The following CHODL variants were observed in gnomAD, a reference collection of about 807,000 sequenced individuals.
CHODL encodes the protein chondrolectin, also known as transmembrane protein MT75.
Under a neutral mutation model 34.5 loss-of-function variants are expected in CHODL, and 29 were observed. The ratio of observed to expected loss-of-function variants is 0.84; its 90% confidence interval spans 0.63 to 1.15. The LOEUF (loss-of-function observed/expected upper bound fraction) is 1.15. Among genes scored for constraint, CHODL ranks in the 50% most tolerant of loss-of-function variants. The probability of loss-of-function intolerance (pLI) is 0.00; values close to 1 mark genes in which losing one functional copy is unlikely to be tolerated. For missense variants in CHODL, 332 were observed against 332.5 expected, an observed-to-expected ratio of 1.00 and a Z score of 0.01; for synonymous variants, 125 against 116.1, an observed-to-expected ratio of 1.08 and a Z score of -0.49.
intron 1 of CHODL, among the ~76,000 whole-genome samples, chr21:17,961,928 A>G (rs2063535115): frequency 6.6e-6 from 1 of 152,206 alleles, no homozygotes; most frequent in Non-Finnish European, 1.5e-5. Context: ...TTTCTTCTTC[A>G]GTCTTTAATG....
At chr21:17,935,579 T>C (rs746359301) in intron 1 of CHODL, among the ~76,000 whole-genome samples, 2 of 152,224 alleles carry the variant, frequency 1.3e-5, no homozygotes, top group Non-Finnish European at 2.9e-5. Context: ...AAGTGACAAA[T>C]GTCAAGAATT....
At chr21:18,152,236 G>A (rs761786250) in intron 2 of CHODL, among the ~76,000 whole-genome samples, 5 of 152,134 alleles carry the variant, frequency 3.3e-5, no homozygotes, top group Non-Finnish European at 5.9e-5. Flanking sequence ...TCTGAAGGGT[G>A]ACTACTTTCT....
chr21:18,166,300 G>A (rs2073152939), intron 2 of CHODL, among the ~76,000 whole-genome samples: 2 of 152,130 alleles, frequency 1.3e-5, no homozygotes, highest in Non-Finnish European at 2.9e-5. Context: ...AGTTCCAGGT[G>A]CTCTTATGAT....
chr21:17,936,196 A>C (rs2063317824), intron 1 of CHODL, among the ~76,000 whole-genome samples: 1 of 152,228 alleles, frequency 6.6e-6, no homozygotes, highest in African/African-American at 2.4e-5. Context: ...CCAGGCATAA[A>C]GGGCTAAGGA....
Position 18,170,104 on chromosome 21 carries a change from G to A in CHODL, c.-44-86405G>A, listed in dbSNP as rs1380115844. On this transcript the variant is annotated intron_variant, in intron 2 of 6. Coordinates refer to the CHODL transcript ENST00000400127. ...TCAGTTTTAATTTCTTGCATTTTGG[G>A]GCTTTTTTGGTGCATGTATATTTTC... is the stretch of plus-strand genomic sequence containing the variant. 2.6e-5 allele frequency among the ~76,000 whole-genome samples: 4 copies of A among 151,656 alleles called. No individual in the cohort carries two copies. The South Asian group carries it at 6.3e-4, about 24-fold the overall frequency.
intron 2 of CHODL, among the ~76,000 whole-genome samples, chr21:18,092,878 T>C (rs182648165): frequency 2.1e-4 from 32 of 152,286 alleles, no homozygotes; most frequent in African/African-American, 7.7e-4. Flanking sequence ...GGCCTCTTCT[T>C]CTTTAAAGAA....
intron 2 of CHODL, among the ~76,000 whole-genome samples, chr21:18,151,294 G>C (rs2072965470): frequency 6.6e-6 from 1 of 152,028 alleles, no homozygotes; most frequent in Non-Finnish European, 1.5e-5. Flanking sequence ...AGTCACGTTT[G>C]TACACAGTTG....
intron 2 of CHODL, among the ~76,000 whole-genome samples, chr21:18,080,547 A>G (rs1031135959): frequency 6.6e-6 from 1 of 152,088 alleles, no homozygotes; most frequent in Admixed American, 6.6e-5. Context: ...TCTTCTGCAG[A>G]TGGTTATCCA....
rs752640406 is a variant in CHODL at position 18,232,941 on chromosome 21, T to TTATATATATATATATATATATA, written c.-44-23568_-44-23567insTATATATATATATATATATATA. Among the ~76,000 whole-genome samples the TTATATATATATATATATATATA allele has an allele frequency of 7.6e-4, 74 of 97,572 alleles. 3 individuals are homozygous for TTATATATATATATATATATATA. Among genetic ancestry groups the TTATATATATATATATATATATA allele is most frequent in the African/African-American group, 2.0e-3 (38 of 18,794 alleles). 64.0% of individuals were successfully genotyped at this position (97,572 alleles called of 152,430 possible). A position where few individuals can be genotyped will look rare whatever the true frequency, so the allele number is the denominator to read the frequency against. On this transcript the variant is annotated intron_variant, in intron 2 of 6. Coordinates refer to the CHODL transcript ENST00000400127. Reference sequence around the variant, plus strand: ...TAATTATGGGGTCCACATGATGTTATGATATATATATATATATATATATAT... The same window carrying TTATATATATATATATATATATA: ...TAATTATGGGGTCCACATGATGTTATTATATATATATATATATATATAGATATATATATATATATATATATAT...
At chr21:18,194,036 T>C (rs1401715866) in intron 2 of CHODL, among the ~76,000 whole-genome samples, 2 of 152,068 alleles carry the variant, frequency 1.3e-5, no homozygotes, top group Non-Finnish European at 2.9e-5. Flanking sequence ...TCCTGAATCC[T>C]CACACACCTC....
chr21:18,212,817 C>T (rs1179795676), intron 2 of CHODL, among the ~76,000 whole-genome samples: 1 of 152,038 alleles, frequency 6.6e-6, no homozygotes, highest in Non-Finnish European at 1.5e-5. Context: ...ATGACAATGT[C>T]ATGTTTGAAA....
intron 2 of CHODL, among the ~76,000 whole-genome samples, chr21:18,194,569 G>A (rs1243380494): frequency 1.3e-5 from 2 of 149,258 alleles, no homozygotes; most frequent in Admixed American, 6.7e-5. Flanking sequence ...GCCCTTCCCT[G>A]AGCCTCAATT....
At chr21:18,038,202 G>T (rs2064333319) in intron 2 of CHODL, among the ~76,000 whole-genome samples, 1 of 151,606 alleles carries the variant, frequency 6.6e-6, no homozygotes, top group South Asian at 2.1e-4. Context: ...AATTTTGAGG[G>T]AAGAAATTTG....
At chr21:18,183,713 CAA>C (rs1213511248) in intron 2 of CHODL, among the ~76,000 whole-genome samples, 2 of 152,032 alleles carry the variant, frequency 1.3e-5, no homozygotes, top group South Asian at 2.1e-4. Context: ...ACTAATGTAA[CAA>C]AGAGAAATCT....
chr21:17,999,714 A>C (rs990704450), intron 1 of CHODL, among the ~76,000 whole-genome samples: 2 of 152,132 alleles, frequency 1.3e-5, no homozygotes, highest in African/African-American at 2.4e-5. Context: ...ACCAGCCCCC[A>C]TATTCAATTA....
intron 2 of CHODL, among the ~76,000 whole-genome samples, chr21:18,044,901 G>A (rs986693811): frequency 6.6e-6 from 1 of 151,892 alleles, no homozygotes; most frequent in African/African-American, 2.4e-5. Flanking sequence ...TTCCAGCAGG[G>A]CACTGTGCGA....
intron 2 of CHODL, among the ~76,000 whole-genome samples, chr21:18,175,792 A>G (rs2073301676): frequency 1.3e-5 from 2 of 152,194 alleles, no homozygotes; most frequent in Admixed American, 1.3e-4. Context: ...AGGAGATGAC[A>G]TTCAAACTAA....
chr21:18,125,260 A>ATCACTGTTTTAT (rs1172923037), intron 2 of CHODL, among the ~76,000 whole-genome samples: 1 of 152,226 alleles, frequency 6.6e-6, no homozygotes, highest in Non-Finnish European at 1.5e-5. Flanking sequence ...CTTATTTCTA[A>ATCACTGTTTTAT]TCACTGTTTT....
intron 2 of CHODL, among the ~76,000 whole-genome samples, chr21:18,091,764 A>T (rs974115398): frequency 1.3e-5 from 2 of 152,068 alleles, no homozygotes; most frequent in Non-Finnish European, 2.9e-5. Context: ...CCACAAGCTG[A>T]TGAAAGAGCC....
Sources: allele counts gnomAD v4.1 joint callset (sites outside exome capture counted in the v4.1 genomes callset), GRCh38; gene constraint gnomAD v4.1.1; transcripts MANE v1.5; gene names NCBI Gene and HGNC (gene_info 2026-07-23, HGNC 2026-07-21).